PTPRG: variants seen among roughly 807,000 people sequenced by gnomAD.
The protein encoded by PTPRG is receptor-type tyrosine-protein phosphatase gamma.
PTPRG carries 102 observed loss-of-function variants against 165.3 expected under a neutral mutation model. The ratio of observed to expected loss-of-function variants is 0.62; its 90% CI spans 0.53 to 0.73. The LOEUF (loss-of-function observed/expected upper bound fraction) is 0.73, where lower values mean the gene tolerates loss of function less well. PTPRG is among the 30% of genes least tolerant of loss of function. PTPRG has a pLI of 0.00. For missense variants in PTPRG, 1,866 were observed against 1,861.4 expected (o/e 1.00, Z -0.05); for synonymous variants, 675 against 669.5 (o/e 1.01, Z -0.13).
At chr3:61,992,601 C>A (rs931773072) in intron 3 of PTPRG, among the ~76,000 whole-genome samples, 1 of 152,034 alleles carries the variant, frequency 6.6e-6, no homozygotes, top group Non-Finnish European at 1.5e-5. Flanking sequence ...CTCACTGCAA[C>A]CTCCGCCTCC....
intron 6 of PTPRG, among the ~76,000 whole-genome samples, chr3:62,154,672 G>A (rs1325554530): frequency 6.6e-6 from 1 of 152,070 alleles, no homozygotes; most frequent in Non-Finnish European, 1.5e-5. Flanking sequence ...GGGGTTTGCC[G>A]GGGTTGTCTT....
rs371425490 is a variant in PTPRG at position 62,113,844 on chromosome 3, G to A, written c.616-18758G>A. On this transcript the variant is annotated intron_variant, in intron 5 of 29. Transcript: ENST00000474889. ...CCTCATCCTTTTTAACTACTTCATA[G>A]TTGACACTAAATGGCGGTGCCATAA... is the stretch of plus-strand genomic sequence containing the variant. 5.9e-5 allele frequency among the ~76,000 whole-genome samples: 9 copies of A among 152,250 alleles called. No individual in the cohort carries two copies. In the East Asian group the frequency reaches 1.5e-3, roughly 26 times the overall value.
intron 5 of PTPRG, among the ~76,000 whole-genome samples, chr3:62,094,747 T>A (rs1300956621): frequency 6.6e-6 from 1 of 152,210 alleles, no homozygotes; most frequent in Non-Finnish European, 1.5e-5. Flanking sequence ...GTTTCTGCAG[T>A]GGACCAGAAA....
intron 6 of PTPRG, among the ~76,000 whole-genome samples, chr3:62,144,725 C>T (rs1704056913): frequency 6.6e-6 from 1 of 152,134 alleles, no homozygotes; most frequent in South Asian, 2.1e-4. Context: ...TCCTGGATTT[C>T]AGTGCATCAG....
At chr3:62,160,928 A>C (rs571234282) in intron 7 of PTPRG, among the ~76,000 whole-genome samples, 1 of 130,370 alleles carries the variant, frequency 7.7e-6, no homozygotes, top group Non-Finnish European at 1.5e-5. Context: ...GTTTAATTGC[A>C]TGACCCTTTT....
chr3:62,017,039 C>G (rs191120324), intron 4 of PTPRG, among the ~76,000 whole-genome samples: 26 of 152,282 alleles, frequency 1.7e-4, no homozygotes, highest in East Asian at 1.4e-3. Flanking sequence ...CCCTCACCCC[C>G]GTATACTGCA....
intron 7 of PTPRG, among the ~76,000 whole-genome samples, chr3:62,163,455 TAA>T (rs1448455575): frequency 6.6e-6 from 1 of 152,094 alleles, no homozygotes; most frequent in African/African-American, 2.4e-5. Context: ...CATGATATAA[TAA>T]GAGTGTTCTG....
chr3:61,797,581 A>ACCCC (rs10541580), intron 2 of PTPRG, among the ~76,000 whole-genome samples: 4 of 127,376 alleles, frequency 3.1e-5, no homozygotes, highest in Admixed American at 8.1e-5. Flanking sequence ...TTATCTCCAC[A>ACCCC]CCCCCCCCCA....
At chr3:61,905,611 A>G (rs1240137398) in intron 2 of PTPRG, among the ~76,000 whole-genome samples, 1 of 152,230 alleles carries the variant, frequency 6.6e-6, no homozygotes, top group Non-Finnish European at 1.5e-5. Context: ...GCATCTCCGG[A>G]GCATTCTGTG....
intron 2 of PTPRG, among the ~76,000 whole-genome samples, chr3:61,949,806 G>A (rs7648294): frequency 0.1 from 15,588 of 151,710 alleles, 1,259 homozygotes; most frequent in East Asian, 0.44. Flanking sequence ...GGAGTGCAGT[G>A]GCGTGATCTC....
At chr3:62,061,868 G>A (rs1700824771) in intron 4 of PTPRG, among the ~76,000 whole-genome samples, 1 of 151,628 alleles carries the variant, frequency 6.6e-6, no homozygotes, top group Admixed American at 6.6e-5. Flanking sequence ...GACGTCGGGT[G>A]ATCTGCCTAC....
intron 2 of PTPRG, among the ~76,000 whole-genome samples, chr3:61,859,915 C>G (rs976818059): frequency 1.3e-5 from 2 of 152,176 alleles, no homozygotes; most frequent in African/African-American, 4.8e-5. Flanking sequence ...ATCCATGGCA[C>G]ATAGATGCTC....
In PTPRG at chr3:61,666,914, C is replaced by G. The variant is rs114648043; in HGVS notation, c.86-81964C>G. On this transcript the variant is annotated intron_variant, in intron 1 of 29. Coordinates refer to ENST00000474889, the MANE Select transcript of PTPRG (RefSeq NM_002841.4). ...TGTTCAAAAATGGTGTAGAACAGTA[C>G]TTGGAGTGAATGGGTGACTTCAATT... 2.1e-3 allele frequency among the ~76,000 whole-genome samples: 318 copies of G among 152,262 alleles called. 2 individuals are homozygous for G. Among genetic ancestry groups the G allele is most frequent in the African/African-American group, 7.1e-3 (295 of 41,542 alleles).
At chr3:62,283,766 A>AC (rs1465777060) in intron 28 of PTPRG, among the ~76,000 whole-genome samples, 1 of 152,046 alleles carries the variant, frequency 6.6e-6, no homozygotes, top group African/African-American at 2.4e-5. Context: ...CATGATGTAC[A>AC]CAAGAGCTCA....
At chr3:62,081,146 A>C (rs183121831) in intron 5 of PTPRG, among the ~76,000 whole-genome samples, 1 of 151,422 alleles carries the variant, frequency 6.6e-6, no homozygotes, top group African/African-American at 2.4e-5. Flanking sequence ...AGTCCCAGCT[A>C]CTCGGGAGGC....
At chr3:62,263,834 GA>G in intron 17 of PTPRG, 1 of 152,274 alleles carries the variant, frequency 6.6e-6, no homozygotes, top group African/African-American at 2.4e-5. Flanking sequence ...CCAACATGGT[GA>G]AACTCTGTCT....
chr3:62,282,769 T>C lies in PTPRG; in HGVS notation c.3955T>C (p.Trp1319Arg). 4 of 1,612,712 alleles carry C rather than the reference T, an allele frequency of 2.5e-6. No individual in the cohort carries two copies. The South Asian group carries it at 3.3e-5, about 13-fold the overall frequency. The change falls in exon 28 of 30, where the codon TGG becomes CGG. Residue 1319 changes from tryptophan (W) to arginine (R), a missense_variant. Physicochemically the swap from Trp to Arg is moderately radical, Grantham distance 101. This residue lies in a region of PTPRG where 1,452 missense variants were observed against 1,463.0 expected (regional missense o/e 0.99). Transcript: ENST00000474889. ...LEVRHFQCPK[W>R]PNPDAPISST... ...AGTTCGGCACTTTCAGTGTCCCAAA[T>C]GGCCTAACCCAGATGCCCCCATAAG...
chr3:62,019,782 TAAA>T lies in PTPRG; in HGVS notation c.519+16290_519+16292del, dbSNP rs982202397. ...TGTGTACAATTTTTATTTGCCAACT[TAAA>T]AAAATTAAAAACAAAAACTCTTACA... is the stretch of plus-strand genomic sequence containing the variant. On this transcript the variant is annotated intron_variant, in intron 4 of 29. Coordinates refer to ENST00000474889, the MANE Select transcript of PTPRG (RefSeq NM_002841.4). Among the ~76,000 whole-genome samples the T allele has an allele frequency of 9.2e-5, 14 of 152,252 alleles. No homozygotes were observed. In the East Asian group the frequency reaches 1.5e-3, roughly 17 times the overall value.
intron 1 of PTPRG, among the ~76,000 whole-genome samples, chr3:61,728,011 C>T (rs1287475797): frequency 1.3e-5 from 2 of 152,174 alleles, no homozygotes; most frequent in East Asian, 1.9e-4. Flanking sequence ...TGTTTTTCTT[C>T]TTCTCTGTTG....
Sources: gnomAD v4.1 joint callset for allele counts (sites outside exome capture counted in the v4.1 genomes callset) on GRCh38, gnomAD v4.1.1 for gene constraint, gnomAD v4.1.1 regional missense constraint, MANE v1.5 for transcripts, NCBI Gene and HGNC (gene_info 2026-07-23, HGNC 2026-07-21) for gene names.